NSD1: variants seen among roughly 807,000 people sequenced by gnomAD.
NSD1 encodes the protein nuclear receptor binding SET domain protein 1, also known as histone-lysine N-methyltransferase, H3 lysine-36 specific.
NSD1 carries 26 observed loss-of-function variants against 242.7 expected under a neutral mutation model. That is an observed-to-expected ratio of 0.11 (90% CI 0.08 to 0.15). The LOEUF (loss-of-function observed/expected upper bound fraction) is 0.15, where lower values mean the gene tolerates loss of function less well. Among genes scored for constraint, NSD1 ranks in the 10% least tolerant of loss-of-function variants. The probability of loss-of-function intolerance (pLI) is 1.00; values close to 1 mark genes in which losing one functional copy is unlikely to be tolerated. For synonymous variants in NSD1, 1,106 were observed against 1,178.1 expected (o/e 0.94, Z 1.25); for missense variants, 2,495 against 3,272.8 (o/e 0.76, Z 5.80).
In NSD1 at chr5:177,294,199, G is replaced by A; in HGVS notation, c.6831G>A (p.Leu2277=). Residue 2277 remains leucine (L), a synonymous_variant, in exon 23 of 23, where the codon TTG becomes TTA. Transcript: ENST00000439151. The part of the protein sequence containing the change: ...KALAGTCQRP[L]LPERPLERTD... The stretch of plus-strand genomic sequence containing the variant: ...TGGCAGGGACTTGTCAGAGGCCATT[G>A]CTACCTGAAAGACCTCTTGAGAGAA... 2 of 1,613,460 alleles carry A rather than the reference G, an allele frequency of 1.2e-6. No homozygotes were observed. The highest frequency in any genetic ancestry group is 8.5e-7 in the Non-Finnish European group (1 of 1,179,478).
At chr5:177,216,421 A>G (rs1004375017) in intron 5 of NSD1, among the ~76,000 whole-genome samples, 1 of 151,796 alleles carries the variant, frequency 6.6e-6, no homozygotes, top group African/African-American at 2.4e-5. Context: ...TTCCAATATC[A>G]TGAAGTTTTT....
chr5:177,158,596 C>G (rs1272839191), intron 2 of NSD1, among the ~76,000 whole-genome samples: 1 of 151,994 alleles, frequency 6.6e-6, no homozygotes, highest in Non-Finnish European at 1.5e-5. Context: ...CCTCGGCCTC[C>G]CAAAGTGCCG....
chr5:177,245,970 AT>A (rs1237528091), intron 9 of NSD1, among the ~76,000 whole-genome samples: 9 of 30,184 alleles, frequency 3.0e-4, no homozygotes, highest in African/African-American at 1.4e-3. Context: ...TATTTTTTTT[AT>A]TTATTTTTTT....
At chr5:177,185,816 T>A (rs1581237205) in intron 2 of NSD1, among the ~76,000 whole-genome samples, 1 of 90,334 alleles carries the variant, frequency 1.1e-5, no homozygotes. Flanking sequence ...TAAATTTATA[T>A]ATATAATATA....
rs375610777 is a variant in NSD1 at position 177,166,357 on chromosome 5, G to A, written c.928-25527G>A. Among the ~76,000 whole-genome samples, 14 of 152,114 alleles carry A rather than the reference G, an allele frequency of 9.2e-5. No individual in the cohort carries two copies. In the East Asian group the frequency reaches 2.5e-3, roughly 27 times the overall value. ...GAGCTCAGGAGTTCAAGAACACCCT[G>A]AGCAACATGGAAAAACCGTGTCTCT... is the stretch of plus-strand genomic sequence containing the variant. On this transcript the variant is annotated intron_variant, in intron 2 of 22. Coordinates refer to ENST00000439151, the MANE Select transcript of NSD1 (RefSeq NM_022455.5).
Position 177,191,650 on chromosome 5 carries a change from G to A in NSD1, c.928-234G>A, listed in dbSNP as rs542663483. On this transcript the variant is annotated intron_variant, in intron 2 of 22. Transcript: ENST00000439151. ...CAGCTTAATTTTATTTTCAAAATACGGATAGATTCATTATATAAAACAATT... is the reference window on the plus strand; with the variant it reads ...CAGCTTAATTTTATTTTCAAAATACAGATAGATTCATTATATAAAACAATT... Among the ~76,000 whole-genome samples the A allele has an allele frequency of 3.3e-5, 5 of 152,056 alleles. No homozygotes were observed. In the South Asian group the frequency reaches 6.2e-4, roughly 19 times the overall value.
chr5:177,290,456 G>A, intron 21 of NSD1, among the ~76,000 whole-genome samples: 1 of 148,496 alleles, frequency 6.7e-6, no homozygotes, highest in Non-Finnish European at 1.5e-5. Flanking sequence ...TGCCCAGGCT[G>A]AAGTGCAATG....
chr5:177,228,126 A>G (rs1352363420), intron 5 of NSD1, among the ~76,000 whole-genome samples: 2 of 152,092 alleles, frequency 1.3e-5, no homozygotes, highest in Admixed American at 6.6e-5. Context: ...AGTGTCAATT[A>G]CCTGTAGTCA....
At chr5:177,203,985 C>G (rs1362875666) in intron 3 of NSD1, 135 bp from the exon 4 acceptor site, 2 of 856,412 alleles carry the variant, frequency 2.3e-6, no homozygotes, top group East Asian at 4.9e-5. Flanking sequence ...ATGATCTATT[C>G]TAGGTTGTCT....
chr5:177,144,779 G>C (rs1757098272), intron 2 of NSD1, among the ~76,000 whole-genome samples: 1 of 151,934 alleles, frequency 6.6e-6, no homozygotes, highest in East Asian at 1.9e-4. Context: ...GAACCTTTTT[G>C]AATTTAGAAA....
chr5:177,292,145 C>A lies in NSD1; in HGVS notation c.6450C>A (p.Thr2150=), dbSNP rs375744712. Residue 2150 remains threonine, a synonymous_variant, in exon 22 of 23, where the codon ACC becomes ACA. Coordinates refer to ENST00000439151, the MANE Select transcript of NSD1 (RefSeq NM_022455.5). Reference sequence around the variant, plus strand: ...ACCACGCAGACTGTCTCAATCTGACCAAGCGACCAGCAGGTTGGTGCCAAA... The same window carrying A: ...ACCACGCAGACTGTCTCAATCTGACAAAGCGACCAGCAGGTTGGTGCCAAA... ...KVYHADCLNL[T]KRPAGKWECP... The A allele has an allele frequency of 1.2e-6, 2 of 1,613,922 alleles. No homozygotes were observed. Among genetic ancestry groups the A allele is most frequent in the Non-Finnish European group, 1.7e-6 (2 of 1,179,996 alleles).
At position 177,295,549 on chromosome 5, in the gene NSD1, A is replaced by C; in HGVS notation, c.*90A>C. The C allele has an allele frequency of 1.5e-6, 2 of 1,320,164 alleles. No individual in the cohort carries two copies. Among genetic ancestry groups the C allele is most frequent in the Middle Eastern group, 1.9e-4 (1 of 5,404 alleles). 81.8% of individuals were successfully genotyped at this position (1,320,164 alleles called of 1,614,324 possible). ...TTTCTTTCTTTCCCCCTTAAAAAAA[A>C]ACACATCTGCCCCGAACACTTTCCC... On this transcript the variant is annotated 3_prime_UTR_variant, in exon 23 of 23. Transcript: ENST00000439151. This position sits in a 1 kb window ranked among gnomAD's most constrained non-coding sequence, Gnocchi z 4.3.
At chr5:177,162,081 T>C (rs1037981569) in intron 2 of NSD1, among the ~76,000 whole-genome samples, 2 of 152,042 alleles carry the variant, frequency 1.3e-5, no homozygotes, top group Non-Finnish European at 2.9e-5. Flanking sequence ...GCAGATCACC[T>C]GAGATCCAGA....
intron 2 of NSD1, among the ~76,000 whole-genome samples, chr5:177,155,384 T>G (rs1449564725): frequency 6.6e-6 from 1 of 152,076 alleles, no homozygotes; most frequent in African/African-American, 2.4e-5. Context: ...CGCCTCGGCC[T>G]CCCAAAGTGC....
chr5:177,286,205 CT>C (rs1759315325), intron 20 of NSD1, among the ~76,000 whole-genome samples: 1 of 152,308 alleles, frequency 6.6e-6, no homozygotes, highest in South Asian at 2.1e-4. Flanking sequence ...ACTCAGTGTA[CT>C]TTTTTCTCTA....
At chr5:177,140,256 T>G (rs1412225875) in intron 2 of NSD1, among the ~76,000 whole-genome samples, 1 of 152,208 alleles carries the variant, frequency 6.6e-6, no homozygotes, top group African/African-American at 2.4e-5. Flanking sequence ...GCTTTGTTGT[T>G]GTTGTTGAGA....
intron 2 of NSD1, among the ~76,000 whole-genome samples, chr5:177,159,068 A>G (rs1266845377): frequency 6.8e-6 from 1 of 146,672 alleles, no homozygotes; most frequent in Admixed American, 6.9e-5. Context: ...AATGAGATGG[A>G]GTCTCACTCT....
Position 177,211,165 on chromosome 5 carries a change from G to A in NSD1, c.2766G>A (p.Thr922=), listed in dbSNP as rs369705297. 4.5e-5 allele frequency: 72 copies of A among 1,614,046 alleles called. No homozygotes were observed. The highest frequency in any genetic ancestry group is 5.8e-5 in the Non-Finnish European group (68 of 1,180,028). Residue 922 remains threonine (T), a synonymous_variant, in exon 5 of 23, where the codon ACG becomes ACA. Coordinates refer to ENST00000439151, the MANE Select transcript of NSD1 (RefSeq NM_022455.5). ...MMLKDMHDSK[T]KEQRLMTAQN... is the part of the protein sequence containing the mutation. Reference sequence around the variant, plus strand: ...TGAAAGATATGCATGATAGTAAGACGAAGGAGCAGCGGTTGATGACTGCTC... The same window carrying A: ...TGAAAGATATGCATGATAGTAAGACAAAGGAGCAGCGGTTGATGACTGCTC...
rs950485640 is a variant in NSD1, at chr5:177,294,870, C to T, written c.7502C>T (p.Pro2501Leu). The change falls in exon 23 of 23, where the codon CCG (proline) becomes CTG (leucine). Residue 2501 changes from proline to leucine, a missense_variant. Around this residue, in one of 19 missense-constraint regions of NSD1, gnomAD observed 475 missense variants for 563.7 expected, o/e 0.84. Coordinates refer to ENST00000439151, the MANE Select transcript of NSD1 (RefSeq NM_022455.5). ...WPASKGLGHM[P>L]RAVEKGCVSD... ...GCCAGCAAAGGTCTGGGGCATATGCCGAGAGCTGTTGAGAAAGGCTGTGTG... is the reference window on the plus strand; with the variant it reads ...GCCAGCAAAGGTCTGGGGCATATGCTGAGAGCTGTTGAGAAAGGCTGTGTG... 5 of 1,613,386 alleles carry T rather than the reference C, an allele frequency of 3.1e-6. No individual in the cohort carries two copies. The highest frequency in any genetic ancestry group is 3.4e-6 in the Non-Finnish European group (4 of 1,179,924).
Sources: gnomAD v4.1 joint callset for allele counts (sites outside exome capture counted in the v4.1 genomes callset) on GRCh38, gnomAD v4.1.1 for gene constraint, gnomAD v4.1.1 regional missense constraint, Gnocchi (gnomAD v3.1) non-coding constraint, MANE v1.5 for transcripts, NCBI Gene and HGNC (gene_info 2026-07-23, HGNC 2026-07-21) for gene names.